Variants in CACNB2 observed in about 807,000 individuals in gnomAD.
CACNB2 encodes the protein voltage-dependent L-type calcium channel subunit beta-2.
CACNB2 carries 42 observed loss-of-function variants against 73.3 expected under a neutral mutation model. That is an observed-to-expected ratio of 0.57 (90% CI 0.45 to 0.74). The LOEUF (loss-of-function observed/expected upper bound fraction) is 0.74. Among genes scored for constraint, CACNB2 ranks in the 30% least tolerant of loss-of-function variants. CACNB2 has a pLI of 0.00. For synonymous variants in CACNB2, 348 were observed against 310.3 expected, an observed-to-expected ratio of 1.12 and a Z score of -1.28; for missense variants, 940 against 853.0, an observed-to-expected ratio of 1.10 and a Z score of -1.27.
chr10:18,205,599 A>T (rs948472636), intron 2 of CACNB2, among the ~76,000 whole-genome samples: 2 of 152,182 alleles, frequency 1.3e-5, no homozygotes, highest in Non-Finnish European at 2.9e-5. Context: ...TTAAACAACA[A>T]AATTCTATGC....
At chr10:18,357,934 T>G (rs1039485284) in intron 2 of CACNB2, among the ~76,000 whole-genome samples, 1 of 152,174 alleles carries the variant, frequency 6.6e-6, no homozygotes, top group Admixed American at 6.5e-5. Flanking sequence ...TCCTCCTGCA[T>G]GGCGGGCAGG....
chr10:18,510,470 T>C (rs913926381), intron 6 of CACNB2, among the ~76,000 whole-genome samples: 3 of 152,168 alleles, frequency 2.0e-5, no homozygotes, highest in Non-Finnish European at 4.4e-5. Flanking sequence ...ACCTGGCTAA[T>C]CTTTGTATTG....
chr10:18,421,726 A>G (rs932622319), intron 3 of CACNB2, among the ~76,000 whole-genome samples: 1 of 152,202 alleles, frequency 6.6e-6, no homozygotes, highest in Non-Finnish European at 1.5e-5. Context: ...AGCTTGGCTT[A>G]TATTTCCAGG....
chr10:18,223,879 G>A (rs1336046591), intron 2 of CACNB2, among the ~76,000 whole-genome samples: 1 of 151,946 alleles, frequency 6.6e-6, no homozygotes, highest in Non-Finnish European at 1.5e-5. Context: ...GAAACTGCTA[G>A]GCTCTTAGAA....
At chr10:18,530,922 G>C (rs2052957360) in intron 10 of CACNB2, among the ~76,000 whole-genome samples, 1 of 152,220 alleles carries the variant, frequency 6.6e-6, no homozygotes, top group Non-Finnish European at 1.5e-5. Flanking sequence ...AAGCCACTTT[G>C]ATATGTGGCA....
intron 2 of CACNB2, among the ~76,000 whole-genome samples, chr10:18,295,270 T>C (rs1033191003): frequency 1.3e-5 from 2 of 152,216 alleles, no homozygotes; most frequent in Non-Finnish European, 2.9e-5. Context: ...CATATATTCT[T>C]TGAGTATAAA....
chr10:18,492,600 G>A (rs1386871109), intron 3 of CACNB2, among the ~76,000 whole-genome samples: 1 of 111,654 alleles, frequency 9.0e-6, no homozygotes, highest in Non-Finnish European at 1.6e-5. Flanking sequence ...CAGCCTGAGT[G>A]ACAGAGCAAG....
chr10:18,339,041 G>A (rs971997726), intron 2 of CACNB2, among the ~76,000 whole-genome samples: 4 of 151,940 alleles, frequency 2.6e-5, no homozygotes, highest in African/African-American at 7.3e-5. Context: ...TGCCCAGCCT[G>A]TTTCCCGTTT....
chr10:18,444,519 A>C (rs1264437024), intron 3 of CACNB2, among the ~76,000 whole-genome samples: 1 of 152,226 alleles, frequency 6.6e-6, no homozygotes, highest in African/African-American at 2.4e-5. Flanking sequence ...CAAAAAATAG[A>C]AACTCTCAGT....
intron 2 of CACNB2, among the ~76,000 whole-genome samples, chr10:18,269,133 C>T (rs576009483): frequency 3.3e-5 from 5 of 152,240 alleles, no homozygotes; most frequent in African/African-American, 9.6e-5. Flanking sequence ...GGTACACCTT[C>T]GTTGCTGGCA....
intron 2 of CACNB2, among the ~76,000 whole-genome samples, chr10:18,351,179 G>A (rs1484835170): frequency 6.8e-6 from 1 of 147,080 alleles, no homozygotes; most frequent in Non-Finnish European, 1.5e-5. Flanking sequence ...TTGCTAAAAT[G>A]TGTATTTATA....
intron 3 of CACNB2, among the ~76,000 whole-genome samples, chr10:18,435,434 T>C (rs2046086107): frequency 6.6e-6 from 1 of 152,190 alleles, no homozygotes. Flanking sequence ...TGATCACTTC[T>C]TTCCCTCAGT....
intron 2 of CACNB2, among the ~76,000 whole-genome samples, chr10:18,207,417 G>A (rs2035140800): frequency 6.6e-6 from 1 of 152,204 alleles, no homozygotes; most frequent in Non-Finnish European, 1.5e-5. Context: ...TATCATAGGT[G>A]TGTATGTATA....
In CACNB2 at chr10:18,150,878, TTTA is replaced by T; in HGVS notation, c.121-4_121-2del. 4 of 1,338,944 alleles carry T rather than the reference TTTA, an allele frequency of 3.0e-6. No homozygotes were observed. Among genetic ancestry groups the T allele is most frequent in the Non-Finnish European group, 4.1e-6 (4 of 972,788 alleles). 82.9% of individuals were successfully genotyped at this position (1,338,944 alleles called of 1,614,324 possible). ...GTCTTTTTTTTTTTTTTTTTTTTTT[TTTA>T]GTCATATGGAAAAGGAGCCAGAAGG... On this transcript the variant is annotated splice_acceptor_variant and splice_polypyrimidine_tract_variant and intron_variant, in intron 1 of 13. Coordinates refer to ENST00000324631, the MANE Select transcript of CACNB2 (RefSeq NM_201596.3). LOFTEE classifies it high-confidence loss of function.
chr10:18,437,671 G>A (rs1433606676), intron 3 of CACNB2, among the ~76,000 whole-genome samples: 1 of 152,144 alleles, frequency 6.6e-6, no homozygotes, highest in African/African-American at 2.4e-5. Flanking sequence ...AATGGAGTTA[G>A]TAAGCATCTT....
At chr10:18,452,153 G>A (rs998260590) in intron 3 of CACNB2, among the ~76,000 whole-genome samples, 1 of 152,214 alleles carries the variant, frequency 6.6e-6, no homozygotes, top group Admixed American at 6.5e-5. Context: ...GCTGGGCATA[G>A]CGATGCACAC....
chr10:18,265,444 C>G (rs1294240387), intron 2 of CACNB2, among the ~76,000 whole-genome samples: 1 of 152,078 alleles, frequency 6.6e-6, no homozygotes, highest in African/African-American at 2.4e-5. Flanking sequence ...TAGCCATCTT[C>G]TTTTGTGAAG....
chr10:18,383,382 A>C (rs1485569204), intron 2 of CACNB2, among the ~76,000 whole-genome samples: 1 of 152,236 alleles, frequency 6.6e-6, no homozygotes, highest in African/African-American at 2.4e-5. Context: ...GGGTATAAGC[A>C]GAGAGACTAA....
At chr10:18,208,788 T>G (rs558220245) in intron 2 of CACNB2, among the ~76,000 whole-genome samples, 3 of 151,728 alleles carry the variant, frequency 2.0e-5, no homozygotes, top group Non-Finnish European at 4.4e-5. Flanking sequence ...TTAAGCACAC[T>G]GTTTTAGAGA....
Sources: gnomAD v4.1 joint callset for allele counts (sites outside exome capture counted in the v4.1 genomes callset) on GRCh38, gnomAD v4.1.1 for gene constraint, MANE v1.5 for transcripts, NCBI Gene and HGNC (gene_info 2026-07-23, HGNC 2026-07-21) for gene names.